Variants in GNL3L observed in about 807,000 individuals in gnomAD.
GNL3L encodes the protein guanine nucleotide-binding protein-like 3-like protein.
A neutral mutation model predicts 42.9 loss-of-function variants in GNL3L; 4 were observed. That is an observed-to-expected ratio of 0.09 (90% CI 0.05 to 0.21). GNL3L has a LOEUF of 0.21. GNL3L is among the 10% of genes least tolerant of loss of function. GNL3L has a pLI of 1.00. For missense variants in GNL3L, 412 were observed against 481.7 expected, an observed-to-expected ratio of 0.86 and a Z score of 1.36; for synonymous variants, 159 against 176.3, an observed-to-expected ratio of 0.90 and a Z score of 0.78.
chrX:54,618,723 C>T (rs187923740), intron 16 of GNL3L, among the ~76,000 whole-genome samples: 96 of 110,509 alleles, frequency 8.7e-4, no homozygotes, highest in Non-Finnish European at 1.0e-3. Flanking sequence ...AGTGAGACAC[C>T]ATCTCTGCAA....
the GNL3L span, among the ~76,000 whole-genome samples, chrX:54,629,799 T>G: frequency 8.9e-6 from 1 of 111,840 alleles, no homozygotes. Flanking sequence ...AGGATTTCCT[T>G]TACTCTATCT....
At chrX:54,554,757 C>T in intron 14 of GNL3L, 65 bp downstream of exon 14, 1 of 1,017,040 alleles carries the variant, frequency 9.8e-7, no homozygotes. Flanking sequence ...GTGGTCAATC[C>T]CTTTTACCTG....
chrX:54,554,893 C>G (rs914545684), intron 14 of GNL3L, among the ~76,000 whole-genome samples: 1 of 111,748 alleles, frequency 8.9e-6, no homozygotes, highest in Non-Finnish European at 1.9e-5. Flanking sequence ...AGGCAGCTTT[C>G]CCAGCTCTGG....
intron 2 of GNL3L, among the ~76,000 whole-genome samples, chrX:54,536,392 AGTAGATTTCC>A (rs1924425035): frequency 9.1e-6 from 1 of 110,312 alleles, no homozygotes; most frequent in South Asian, 3.9e-4. Context: ...GATAAGTTTT[AGTAGATTTCC>A]GTAGATTTCC....
chrX:54,551,909 G>A lies in GNL3L; in HGVS notation c.1116G>A (p.Lys372=). The A allele has an allele frequency of 3.3e-6, 4 of 1,211,742 alleles. No individual in the cohort carries two copies. Among genetic ancestry groups the A allele is most frequent in the East Asian group, 5.9e-5 (2 of 33,835 alleles). ...CGGCAGTGGCCCACCGTTTGGGGAA[G>A]AAGAAGAAGGGAGGCTTATATAGTC... is the stretch of plus-strand genomic sequence containing the variant. The part of the protein sequence containing the change: ...FLTAVAHRLG[K]KKKGGLYSQE... Residue 372 remains lysine, a synonymous_variant, in exon 12 of 16, where the codon AAG becomes AAA. Coordinates refer to ENST00000360845, the MANE Select transcript of GNL3L (RefSeq NM_001184819.2).
At chrX:54,573,005 G>C (rs1435536986) in intron 16 of GNL3L, among the ~76,000 whole-genome samples, 1 of 107,828 alleles carries the variant, frequency 9.3e-6, no homozygotes, top group Non-Finnish European at 1.9e-5. Context: ...GGGAAGAGGC[G>C]CTCCTCACTT....
At chrX:54,572,665 G>T (rs1251949983) in intron 16 of GNL3L, among the ~76,000 whole-genome samples, 39 of 107,970 alleles carry the variant, frequency 3.6e-4, no homozygotes, top group Non-Finnish European at 6.6e-4. Context: ...CCGGATGGGC[G>T]GCTGGCCTGG....
chrX:54,594,044 G>C (rs1925901377), intron 16 of GNL3L, among the ~76,000 whole-genome samples: 1 of 111,788 alleles, frequency 8.9e-6, no homozygotes, highest in Non-Finnish European at 1.9e-5. Flanking sequence ...CCTTGAGAAA[G>C]ATCCATGTGT....
intron 8 of GNL3L, among the ~76,000 whole-genome samples, chrX:54,547,697 T>C (rs1924814569): frequency 9.0e-6 from 1 of 111,046 alleles, no homozygotes; most frequent in Non-Finnish European, 1.9e-5. Context: ...AGAGTAAGAC[T>C]CTGTCTCAAA....
chrX:54,554,839 C>G lies in GNL3L; in HGVS notation c.1446+147C>G, dbSNP rs1925041846. ...TTCTGGATGCCTGGCCTAGTATATC[C>G]TTTACCAAGCAATGACAGGTCCAGG... On this transcript the variant is annotated intron_variant, in intron 14 of 15. Coordinates refer to ENST00000360845, the MANE Select transcript of GNL3L (RefSeq NM_001184819.2). 5 of 473,350 alleles carry G rather than the reference C, an allele frequency of 1.1e-5. No individual in the cohort carries two copies. In the Admixed American group the frequency reaches 1.7e-4, roughly 16 times the overall value. The allele number at this position is 473,350 out of a possible 1,213,427, so 39.0% of individuals were successfully genotyped here.
rs763387358 is a variant in GNL3L, at chrX:54,620,598, T to G, written c.*46-247T>G. Among the ~76,000 whole-genome samples the G allele has an allele frequency of 1.2e-3, 130 of 112,256 alleles. 1 individual carries two copies. Among genetic ancestry groups the G allele is most frequent in the African/African-American group, 4.0e-3 (125 of 30,945 alleles). On this transcript the variant is annotated intron_variant, in intron 16 of 16. Coordinates refer to the GNL3L transcript ENST00000674498. Reference sequence around the variant, plus strand: ...ATTATGAACAGTGCTGCAACAGACATGGGAGTGCAGATATCTCTTCCTTAT... The same window carrying G: ...ATTATGAACAGTGCTGCAACAGACAGGGGAGTGCAGATATCTCTTCCTTAT...
intron 16 of GNL3L, among the ~76,000 whole-genome samples, chrX:54,591,941 T>A (rs927058261): frequency 3.6e-5 from 4 of 112,107 alleles, no homozygotes; most frequent in African/African-American, 9.7e-5. Flanking sequence ...AATCTTCCAA[T>A]TCATGAACAT....
chrX:54,635,349 T>A, the GNL3L span, among the ~76,000 whole-genome samples: 1 of 112,008 alleles, frequency 8.9e-6, no homozygotes, highest in Non-Finnish European at 1.9e-5. Context: ...TTTAGTTCTG[T>A]GAGCATATTT....
intron 16 of GNL3L, among the ~76,000 whole-genome samples, chrX:54,580,223 C>A (rs1302291505): frequency 7.4e-5 from 7 of 94,134 alleles, no homozygotes; most frequent in African/African-American, 2.8e-4. Flanking sequence ...TGTTCAATTC[C>A]CACCTATGAG....
intron 16 of GNL3L, among the ~76,000 whole-genome samples, chrX:54,582,789 G>T (rs1925734313): frequency 9.0e-6 from 1 of 111,716 alleles, no homozygotes; most frequent in Non-Finnish European, 1.9e-5. Flanking sequence ...CACCATGTTG[G>T]CCAGGCTGGT....
chrX:54,550,105 TAC>T (rs1360847040), intron 9 of GNL3L, among the ~76,000 whole-genome samples: 1 of 107,981 alleles, frequency 9.3e-6, no homozygotes, highest in Non-Finnish European at 1.9e-5. Context: ...GGTGCTTAGA[TAC>T]AGAGACACAG....
At chrX:54,541,008 A>T (rs949693923) in intron 4 of GNL3L, among the ~76,000 whole-genome samples, 2 of 111,238 alleles carry the variant, frequency 1.8e-5, no homozygotes, top group Non-Finnish European at 1.9e-5. Flanking sequence ...GCTTCTTTCC[A>T]TCTCTGGTCT....
chrX:54,622,527 C>T (rs1439226784), downstream of GNL3L, among the ~76,000 whole-genome samples: 8 of 109,375 alleles, frequency 7.3e-5, no homozygotes, highest in South Asian at 3.9e-4. Context: ...TCAGGTGATC[C>T]GCCTGCCTCG....
intron 16 of GNL3L, among the ~76,000 whole-genome samples, chrX:54,579,622 C>G (rs1400237913): frequency 2.7e-5 from 3 of 112,016 alleles, no homozygotes; most frequent in African/African-American, 9.7e-5. Context: ...TGATCTTGAA[C>G]TCTTGGGCTC....
Sources: allele counts gnomAD v4.1 joint callset (sites outside exome capture counted in the v4.1 genomes callset), GRCh38; gene constraint gnomAD v4.1.1; transcripts MANE v1.5; gene names NCBI Gene and HGNC (gene_info 2026-07-23, HGNC 2026-07-21).